The following ADAMTSL3 variants were observed in gnomAD, a reference collection of about 807,000 sequenced individuals.
The protein encoded by ADAMTSL3 is ADAMTS like 3, also known as ADAMTS-like protein 3.
ADAMTSL3 carries 128 observed loss-of-function variants against 201.7 expected under a neutral mutation model. The observed-to-expected ratio is 0.63, with a 90% confidence interval of 0.55 to 0.73. The LOEUF (loss-of-function observed/expected upper bound fraction) is 0.73. Among genes scored for constraint, ADAMTSL3 ranks in the 30% least tolerant of loss-of-function variants. ADAMTSL3 has a pLI of 0.00. For synonymous variants in ADAMTSL3, 738 were observed against 748.4 expected (o/e 0.99, Z 0.23); for missense variants, 1,990 against 2,119.6 (o/e 0.94, Z 1.20).
At chr15:83,940,672 T>C (rs1204745296) in intron 17 of ADAMTSL3, among the ~76,000 whole-genome samples, 1 of 152,234 alleles carries the variant, frequency 6.6e-6, no homozygotes, top group African/African-American at 2.4e-5. Context: ...ATTGTTTTAA[T>C]CTGTTGATTA....
At chr15:83,919,808 C>T (rs1306254745) in intron 16 of ADAMTSL3, among the ~76,000 whole-genome samples, 1 of 152,034 alleles carries the variant, frequency 6.6e-6, no homozygotes, top group African/African-American at 2.4e-5. Flanking sequence ...GGGTGAAACT[C>T]CAAGCACAGT....
At chr15:83,921,693 G>A (rs1240661232) in intron 16 of ADAMTSL3, among the ~76,000 whole-genome samples, 1 of 152,110 alleles carries the variant, frequency 6.6e-6, no homozygotes, top group African/African-American at 2.4e-5. Flanking sequence ...TAAAAAATAT[G>A]TATGTATTTT....
At chr15:83,914,990 C>T (rs1304555822) in intron 16 of ADAMTSL3, among the ~76,000 whole-genome samples, 1 of 152,050 alleles carries the variant, frequency 6.6e-6, no homozygotes, top group African/African-American at 2.4e-5. Context: ...CTAGAGATAG[C>T]CACGGAGATG....
chr15:83,952,329 C>T (rs1022304619), intron 19 of ADAMTSL3, among the ~76,000 whole-genome samples: 2 of 152,114 alleles, frequency 1.3e-5, no homozygotes, highest in African/African-American at 4.8e-5. Context: ...TGCTTGATGT[C>T]ATTTCAGTTT....
intron 7 of ADAMTSL3, among the ~76,000 whole-genome samples, chr15:83,858,457 C>T (rs1195141384): frequency 6.6e-6 from 1 of 152,182 alleles, no homozygotes; most frequent in East Asian, 1.9e-4. Context: ...ACTGCAGACT[C>T]CATCTCCTGG....
chr15:83,942,139 G>A (rs555331106), intron 17 of ADAMTSL3, among the ~76,000 whole-genome samples: 18 of 152,278 alleles, frequency 1.2e-4, no homozygotes, highest in Middle Eastern at 3.4e-3. Flanking sequence ...TATATATGTT[G>A]TAAATCCAAT....
intron 3 of ADAMTSL3, among the ~76,000 whole-genome samples, chr15:83,768,846 T>G (rs1284316593): frequency 1.3e-5 from 2 of 152,324 alleles, no homozygotes; most frequent in East Asian, 3.9e-4. Flanking sequence ...TGGGATATTA[T>G]TGCTATTACT....
intron 3 of ADAMTSL3, among the ~76,000 whole-genome samples, chr15:83,767,506 A>G (rs925445612): frequency 2.0e-5 from 3 of 152,224 alleles, no homozygotes; most frequent in African/African-American, 7.2e-5. Flanking sequence ...GCTATACTCA[A>G]CTGACAAACA....
chr15:83,827,062 T>G (rs1464525888), intron 6 of ADAMTSL3, among the ~76,000 whole-genome samples: 1 of 152,206 alleles, frequency 6.6e-6, no homozygotes, highest in Non-Finnish European at 1.5e-5. Context: ...TATTTCTAGT[T>G]CTAGATCCCT....
intron 5 of ADAMTSL3, among the ~76,000 whole-genome samples, chr15:83,818,563 G>A (rs1281585093): frequency 2.0e-5 from 3 of 152,188 alleles, no homozygotes; most frequent in Non-Finnish European, 2.9e-5. Flanking sequence ...CTGACCTCAG[G>A]TGATCGGCCC....
At chr15:83,732,706 G>T (rs567818136) in intron 3 of ADAMTSL3, among the ~76,000 whole-genome samples, 2 of 152,160 alleles carry the variant, frequency 1.3e-5, no homozygotes, top group East Asian at 3.9e-4. Flanking sequence ...AACATTTCAT[G>T]GAAATGGAAT....
At chr15:83,880,538 C>G (rs1227224764) in intron 9 of ADAMTSL3, among the ~76,000 whole-genome samples, 2 of 152,168 alleles carry the variant, frequency 1.3e-5, no homozygotes, top group African/African-American at 4.8e-5. Context: ...AAAATACTTG[C>G]CAAAGTCTAT....
chr15:83,698,779 A>G (rs1455366607), intron 2 of ADAMTSL3, among the ~76,000 whole-genome samples: 1 of 152,156 alleles, frequency 6.6e-6, no homozygotes, highest in African/African-American at 2.4e-5. Context: ...AAACTGCACC[A>G]TAACTACCCT....
chr15:83,979,972 A>G (rs1252122112), intron 20 of ADAMTSL3, among the ~76,000 whole-genome samples: 1 of 152,198 alleles, frequency 6.6e-6, no homozygotes, highest in Non-Finnish European at 1.5e-5. Context: ...AAAAATTCTG[A>G]TGTCCTGGCT....
At chr15:83,990,871 G>A (rs2067569607) in intron 22 of ADAMTSL3, among the ~76,000 whole-genome samples, 1 of 151,546 alleles carries the variant, frequency 6.6e-6, no homozygotes, top group Non-Finnish European at 1.5e-5. Context: ...TGAATTCATC[G>A]AACCATCTAT....
intron 2 of ADAMTSL3, among the ~76,000 whole-genome samples, chr15:83,658,169 G>T (rs557764941): frequency 2.6e-5 from 4 of 152,284 alleles, no homozygotes; most frequent in South Asian, 2.1e-4. Flanking sequence ...GAATGCAGTG[G>T]CATGATCTCA....
At chr15:83,892,909 A>C (rs2065539278) in intron 13 of ADAMTSL3, 21 bp downstream of exon 13, 2 of 1,597,580 alleles carry the variant, frequency 1.3e-6, no homozygotes, top group Non-Finnish European at 1.7e-6. Flanking sequence ...AGAATATGCC[A>C]CTTTTAATTA....
chr15:83,796,932 A>G (rs754663441), intron 4 of ADAMTSL3, among the ~76,000 whole-genome samples: 2 of 152,222 alleles, frequency 1.3e-5, no homozygotes, highest in African/African-American at 4.8e-5. Flanking sequence ...TGTAAAAAAC[A>G]ATGTCTGGAA....
chr15:83,931,068 A>G (rs2142006409), intron 17 of ADAMTSL3, among the ~76,000 whole-genome samples: 1 of 152,280 alleles, frequency 6.6e-6, no homozygotes, highest in East Asian at 1.9e-4. Context: ...CCCCTGATCT[A>G]TCCTATAACT....
Sources: gnomAD v4.1 joint callset for allele counts (sites outside exome capture counted in the v4.1 genomes callset) on GRCh38, gnomAD v4.1.1 for gene constraint, MANE v1.5 for transcripts, NCBI Gene and HGNC (gene_info 2026-07-23, HGNC 2026-07-21) for gene names.